Variants in NUF2 observed in about 807,000 individuals in gnomAD.
NUF2 encodes the protein NUF2 component of NDC80 kinetochore complex, also known as kinetochore protein Nuf2.
NUF2 carries 34 observed loss-of-function variants against 61.8 expected under a neutral mutation model. That is an observed-to-expected ratio of 0.55 (90% CI 0.42 to 0.73). The LOEUF is 0.73. NUF2 is among the 30% of genes least tolerant of loss of function. The pLI is 0.00. For missense variants in NUF2, 445 were observed against 539.1 expected (o/e 0.83, Z 1.73); for synonymous variants, 172 against 181.6 (o/e 0.95, Z 0.42).
chr1:163,333,988 G>A (rs1650676920), intron 5 of NUF2, among the ~76,000 whole-genome samples: 1 of 152,004 alleles, frequency 6.6e-6, no homozygotes, highest in Admixed American at 6.5e-5. Flanking sequence ...CCCACATTTT[G>A]TAGTCTCCAG....
rs368618280 is a variant in NUF2, at chr1:163,328,869, G to A, written c.299G>A (p.Arg100Gln). Residue 100 changes from arginine (R) to glutamine (Q), a missense_variant, in exon 5 of 14, where the codon CGG (arginine) becomes CAG (glutamine). Coordinates refer to ENST00000271452, the MANE Select transcript of NUF2 (RefSeq NM_145697.3). The part of the protein sequence containing the change: ...THLDSFLPIC[R>Q]VNDFETADIL... ...AGGGACTCATTTTTGCCTATCTGCC[G>A]GGTGAATGACTTTGAGACTGCTGAT... is the stretch of plus-strand genomic sequence containing the variant. 32 of 1,606,606 alleles carry A rather than the reference G, an allele frequency of 2.0e-5. No homozygotes were observed. The highest frequency in any genetic ancestry group is 8.1e-5 in the African/African-American group (6 of 74,380).
In NUF2 at chr1:163,338,053, G is replaced by T; in HGVS notation, c.469G>T (p.Ala157Ser). The T allele has an allele frequency of 6.2e-7, 1 of 1,612,990 alleles. No individual in the cohort carries two copies. The highest frequency in any genetic ancestry group is 8.5e-7 in the Non-Finnish European group (1 of 1,179,208). ...SSADKMQQLN[A>S]AHQEALMKLE... ...TGCGGACAAAATGCAACAGTTAAAC[G>T]CCGCACACCAGGAGGCATTAATGAA... Residue 157 changes from alanine to serine, a missense_variant, in exon 7 of 14, where the codon GCC becomes TCC. Transcript: ENST00000271452.
intron 11 of NUF2, 85 bp from the exon 12 acceptor site, chr1:163,347,678 T>C: frequency 1.1e-6 from 1 of 943,768 alleles, no homozygotes; most frequent in South Asian, 2.4e-5. Context: ...TGTTTAATTA[T>C]AGTTCATCCT....
intron 9 of NUF2, among the ~76,000 whole-genome samples, chr1:163,342,349 T>C (rs988086857): frequency 9.9e-5 from 15 of 152,174 alleles, no homozygotes; most frequent in African/African-American, 3.1e-4. Flanking sequence ...TTTGTACTTA[T>C]TAAGTTTAGA....
Position 163,355,691 on chromosome 1 carries a change from C to T in NUF2, c.*222C>T, listed in dbSNP as rs1651465504. The T allele has an allele frequency of 1.4e-5, 4 of 294,900 alleles. No homozygotes were observed. Among genetic ancestry groups the T allele is most frequent in the Non-Finnish European group, 1.9e-5 (3 of 158,826 alleles). The allele number at this position is 294,900 out of a possible 1,614,324, so 18.3% of individuals were successfully genotyped here. A position where few individuals can be genotyped will look rare whatever the true frequency, so the allele number is the denominator to read the frequency against. On this transcript the variant is annotated 3_prime_UTR_variant, in exon 14 of 14. Transcript: ENST00000271452. ...CAGCTATTCATGTCTCTACTCTGCC[C>T]CTTGTTGTAAATAGTTTGAGTAAAA...
At chr1:163,336,567 A>T (rs556184314) in intron 5 of NUF2, among the ~76,000 whole-genome samples, 184 bp from the exon 6 acceptor site, 4 of 151,580 alleles carry the variant, frequency 2.6e-5, no homozygotes, top group Non-Finnish European at 4.4e-5. Flanking sequence ...CTTTTTTTTT[A>T]AAGTTATTAA....
chr1:163,331,497 A>G (rs1571379125), intron 5 of NUF2, among the ~76,000 whole-genome samples: 2 of 152,008 alleles, frequency 1.3e-5, no homozygotes, highest in East Asian at 3.8e-4. Context: ...TCTGAATATC[A>G]GGATATACCA....
intron 10 of NUF2, 52 bp downstream of exon 10, chr1:163,343,922 A>G (rs760624566): frequency 4.3e-6 from 5 of 1,163,326 alleles, no homozygotes; most frequent in Non-Finnish European, 5.8e-6. Context: ...AAAAATTAGC[A>G]AATTCTTGTT....
At chr1:163,327,711 G>A (rs1301151495) in intron 3 of NUF2, 149 bp downstream of exon 3, 1 of 600,810 alleles carries the variant, frequency 1.7e-6, no homozygotes, top group South Asian at 2.2e-5. Context: ...TATAAAATTA[G>A]TGTCACTTAC....
intron 5 of NUF2, among the ~76,000 whole-genome samples, chr1:163,330,392 G>T (rs187516241): frequency 6.6e-5 from 10 of 152,084 alleles, no homozygotes; most frequent in African/African-American, 2.4e-4. Flanking sequence ...CTGTATATTT[G>T]TCTATTTTTG....
chr1:163,330,889 A>G (rs1341041755), intron 5 of NUF2, among the ~76,000 whole-genome samples: 1 of 151,232 alleles, frequency 6.6e-6, no homozygotes, highest in Admixed American at 6.6e-5. Context: ...ATTGATTTTT[A>G]TATATTGACT....
chr1:163,341,668 C>T (rs975357009), intron 9 of NUF2, among the ~76,000 whole-genome samples: 4 of 151,664 alleles, frequency 2.6e-5, no homozygotes, highest in African/African-American at 9.7e-5. Context: ...CTCTTTTGCC[C>T]AGGTTGGAGT....
intron 13 of NUF2, among the ~76,000 whole-genome samples, chr1:163,351,870 T>C (rs1651331113): frequency 6.6e-6 from 1 of 152,244 alleles, no homozygotes; most frequent in South Asian, 2.1e-4. Flanking sequence ...CATAGTCTTT[T>C]TTCATTAAAT....
chr1:163,349,017 A>G lies in NUF2; in HGVS notation c.1197A>G (p.Gln399=). The change falls in exon 13 of 14, where the codon CAA becomes CAG. Residue 399 remains glutamine, a synonymous_variant. Coordinates refer to ENST00000271452, the MANE Select transcript of NUF2 (RefSeq NM_145697.3). ...ERVTTINQEI[Q]KIKLGIQQLK... Reference sequence around the variant, plus strand: ...TAACCACAATTAATCAAGAAATCCAAAAAATTAAACTTGGAATTCAACAAC... The same window carrying G: ...TAACCACAATTAATCAAGAAATCCAGAAAATTAAACTTGGAATTCAACAAC... 1 of 1,612,294 alleles carries G rather than the reference A, an allele frequency of 6.2e-7. No individual in the cohort carries two copies. The highest frequency in any genetic ancestry group is 2.2e-5 in the East Asian group (1 of 44,752).
chr1:163,331,025 CTTTT>C (rs35181525), intron 5 of NUF2, among the ~76,000 whole-genome samples: 5 of 134,948 alleles, frequency 3.7e-5, no homozygotes, highest in Non-Finnish European at 7.9e-5. Flanking sequence ...GCCTTTTATT[CTTTT>C]TTTTTTTTTT....
At position 163,355,320 on chromosome 1, in the gene NUF2, T is replaced by C; in HGVS notation, c.1261-15T>C. On this transcript the variant is annotated splice_polypyrimidine_tract_variant and intron_variant, in intron 13 of 13. Coordinates refer to ENST00000271452, the MANE Select transcript of NUF2 (RefSeq NM_145697.3). Reference sequence around the variant, plus strand: ...TGCATGGAATAATTATTATTCTGTTTCATTTTCTACTTAGGAAATATTTCT... The same window carrying C: ...TGCATGGAATAATTATTATTCTGTTCCATTTTCTACTTAGGAAATATTTCT... 6.3e-7 allele frequency: 1 copy of C among 1,581,994 alleles called. No homozygotes were observed. The highest frequency in any genetic ancestry group is 8.6e-7 in the Non-Finnish European group (1 of 1,162,792).
intron 11 of NUF2, among the ~76,000 whole-genome samples, chr1:163,346,428 C>CAGAAGG (rs1449827272): frequency 1.3e-5 from 2 of 152,216 alleles, no homozygotes; most frequent in African/African-American, 4.8e-5. Context: ...TCTGACCATA[C>CAGAAGG]ATCAGAGTAA....
At chr1:163,336,721 T>C (rs996215572) in intron 5 of NUF2, 30 bp from the exon 6 acceptor site, 2 of 1,361,622 alleles carry the variant, frequency 1.5e-6, no homozygotes, top group Non-Finnish European at 2.1e-6. Flanking sequence ...GTTCAAAGGT[T>C]TATTTAAAGA....
chr1:163,355,527 G>C lies in NUF2; in HGVS notation c.*58G>C, dbSNP rs1430039608. ...TTGCCATCTTTTAATTTTCTATTTA[G>C]AAAGAAAAGTTGAAGCGAATGGAAG... On this transcript the variant is annotated 3_prime_UTR_variant, in exon 14 of 14. Transcript: ENST00000271452. 2.0e-6 allele frequency: 3 copies of C among 1,500,664 alleles called. No individual in the cohort carries two copies. The highest frequency in any genetic ancestry group is 2.4e-5 in the East Asian group (1 of 42,248). The allele number at this position is 1,500,664 out of a possible 1,614,324, so 93.0% of individuals were successfully genotyped here. A position where few individuals can be genotyped will look rare whatever the true frequency, so the allele number is the denominator to read the frequency against.
Sources: gnomAD v4.1 joint callset for allele counts (sites outside exome capture counted in the v4.1 genomes callset) on GRCh38, gnomAD v4.1.1 for gene constraint, MANE v1.5 for transcripts, NCBI Gene and HGNC (gene_info 2026-07-23, HGNC 2026-07-21) for gene names.